The following ATRN variants were observed in gnomAD, a reference collection of about 807,000 sequenced individuals.
The protein encoded by ATRN is attractin-2.
A neutral mutation model predicts 178.7 loss-of-function variants in ATRN; 54 were observed. That is an observed-to-expected ratio of 0.30 (90% CI 0.24 to 0.38). The LOEUF (loss-of-function observed/expected upper bound fraction) is 0.38. ATRN is among the 10% of genes least tolerant of loss of function. The pLI is 1.00. For missense variants in ATRN, 1,443 were observed against 1,815.1 expected (o/e 0.79, Z 3.73); for synonymous variants, 636 against 663.0 (o/e 0.96, Z 0.63).
chr20:3,623,787 C>T (rs779763915), intron 24 of ATRN, among the ~76,000 whole-genome samples: 1 of 152,036 alleles, frequency 6.6e-6, no homozygotes, highest in East Asian at 1.9e-4. Context: ...TGCATTTTTT[C>T]GTGGGCTAAT....
At chr20:3,580,798 C>T (rs1275311365) in intron 15 of ATRN, among the ~76,000 whole-genome samples, 2 of 152,136 alleles carry the variant, frequency 1.3e-5, no homozygotes, top group Non-Finnish European at 2.9e-5. Flanking sequence ...CCCTGCGAGG[C>T]CATGGCTACA....
intron 3 of ATRN, among the ~76,000 whole-genome samples, chr20:3,545,161 G>T (rs896338664): frequency 1.3e-5 from 2 of 151,974 alleles, no homozygotes; most frequent in African/African-American, 4.8e-5. Context: ...GAGGTCAGGA[G>T]TTCAAGACCA....
intron 18 of ATRN, among the ~76,000 whole-genome samples, chr20:3,589,012 T>G (rs1354079865): frequency 9.0e-6 from 1 of 111,434 alleles, no homozygotes; most frequent in Non-Finnish European, 1.7e-5. Flanking sequence ...AGACAGAGTC[T>G]CACTCTTTCA....
chr20:3,498,657 A>T (rs976713983), intron 1 of ATRN, among the ~76,000 whole-genome samples: 1 of 152,204 alleles, frequency 6.6e-6, no homozygotes, highest in Non-Finnish European at 1.5e-5. Flanking sequence ...AACTCTCAGT[A>T]AATTAGGTAT....
intron 24 of ATRN, chr20:3,616,057 A>T: frequency 6.0e-6 from 1 of 165,976 alleles, no homozygotes; most frequent in Non-Finnish European, 1.3e-5. Context: ...AAAAAAAAAA[A>T]AGAAAAATGT....
intron 1 of ATRN, among the ~76,000 whole-genome samples, chr20:3,518,650 G>A (rs1335645794): frequency 6.6e-6 from 1 of 151,998 alleles, no homozygotes. Context: ...AGATAAAAGG[G>A]TTAATAATCT....
chr20:3,485,743 TC>T (rs1460972015), intron 1 of ATRN, among the ~76,000 whole-genome samples: 14 of 147,736 alleles, frequency 9.5e-5, no homozygotes, highest in African/African-American at 3.5e-4. Context: ...TGCCTCAGCC[TC>T]CCAAGTAGCT....
At chr20:3,592,684 C>A (rs2086466135) in intron 19 of ATRN, among the ~76,000 whole-genome samples, 1 of 152,162 alleles carries the variant, frequency 6.6e-6, no homozygotes, top group African/African-American at 2.4e-5. Context: ...AGAATCTGAT[C>A]TGATCCAAGA....
At chr20:3,471,651 G>A in intron 1 of ATRN, 134 bp downstream of exon 1, 3 of 1,180,512 alleles carry the variant, frequency 2.5e-6, no homozygotes, top group Non-Finnish European at 3.3e-6. Flanking sequence ...GGGGTTTGAG[G>A]GCCATTTGCT....
intron 1 of ATRN, among the ~76,000 whole-genome samples, chr20:3,511,560 A>G (rs2085128216): frequency 6.6e-6 from 1 of 152,190 alleles, no homozygotes; most frequent in Admixed American, 6.5e-5. Flanking sequence ...AATTGGAATA[A>G]ATCTGGTAGA....
intron 23 of ATRN, among the ~76,000 whole-genome samples, chr20:3,603,082 ATTAATCT>A (rs1022754951): frequency 1.3e-5 from 2 of 150,594 alleles, no homozygotes; most frequent in African/African-American, 4.9e-5. Context: ...AGTCCATTTC[ATTAATCT>A]TTATCGGCAC....
intron 1 of ATRN, among the ~76,000 whole-genome samples, chr20:3,488,281 G>C (rs1304153131): frequency 6.6e-6 from 1 of 152,022 alleles, no homozygotes; most frequent in East Asian, 1.9e-4. Flanking sequence ...CAAGATCGTG[G>C]AGATATTCTT....
At chr20:3,592,056 A>T (rs1001026767) in intron 19 of ATRN, among the ~76,000 whole-genome samples, 1 of 152,216 alleles carries the variant, frequency 6.6e-6, no homozygotes, top group African/African-American at 2.4e-5. Context: ...CGGGCTTTTT[A>T]ACCAGGAGCC....
intron 12 of ATRN, among the ~76,000 whole-genome samples, chr20:3,573,445 A>G (rs1415710338): frequency 6.6e-6 from 1 of 152,242 alleles, no homozygotes; most frequent in Non-Finnish European, 1.5e-5. Context: ...TGCAGATCTA[A>G]CATTAAGGAT....
At chr20:3,604,307 C>A (rs1346035888) in intron 24 of ATRN, 45 bp downstream of exon 24, 1 of 1,534,270 alleles carries the variant, frequency 6.5e-7, no homozygotes, top group African/African-American at 1.4e-5. Context: ...GTGGTGAAAT[C>A]TCTTTAGTAA....
At chr20:3,597,138 G>A (rs1031984646) in intron 21 of ATRN, among the ~76,000 whole-genome samples, 2 of 148,414 alleles carry the variant, frequency 1.3e-5, no homozygotes, top group African/African-American at 5.0e-5. Context: ...TTGTTAGATA[G>A]GATTCTAAAA....
chr20:3,552,297 A>G (rs920045111), intron 6 of ATRN, among the ~76,000 whole-genome samples: 3 of 152,102 alleles, frequency 2.0e-5, no homozygotes, highest in Non-Finnish European at 2.9e-5. Context: ...TTGTATTTGC[A>G]GCCTAGACTT....
At chr20:3,474,566 G>A (rs1237570305) in intron 1 of ATRN, among the ~76,000 whole-genome samples, 2 of 151,764 alleles carry the variant, frequency 1.3e-5, no homozygotes, top group Non-Finnish European at 2.9e-5. Flanking sequence ...AATTAGCCGG[G>A]CGTGGTGGCG....
rs1015842474 is a variant in ATRN at position 3,565,819 on chromosome 20, A to G, written c.1871+387A>G. ...CTCAAAAAAAAAAAAAAAAAAAAAA[A>G]AGAGAAAAGTAAAGTGGAATTGGAC... On this transcript the variant is annotated intron_variant, in intron 11 of 28. Coordinates refer to ENST00000262919, the MANE Select transcript of ATRN (RefSeq NM_139321.3). 1.4e-4 allele frequency among the ~76,000 whole-genome samples: 21 copies of G among 148,854 alleles called. No homozygotes were observed. The East Asian group carries it at 2.2e-3, about 15-fold the overall frequency.
Sources: gnomAD v4.1 joint callset for allele counts (sites outside exome capture counted in the v4.1 genomes callset) on GRCh38, gnomAD v4.1.1 for gene constraint, MANE v1.5 for transcripts, NCBI Gene and HGNC (gene_info 2026-07-23, HGNC 2026-07-21) for gene names.